Variants in C21orf91 observed in about 807,000 individuals in gnomAD.
The protein encoded by C21orf91 is chromosome 21 open reading frame 91.
C21orf91 carries 26 observed loss-of-function variants against 32.9 expected under a neutral mutation model. The observed-to-expected ratio is 0.79, with a 90% CI of 0.58 to 1.10. The LOEUF (loss-of-function observed/expected upper bound fraction) is 1.10, where lower values mean the gene tolerates loss of function less well. C21orf91 is among the 50% of genes least tolerant of loss of function. The pLI, the probability that C21orf91 is intolerant of heterozygous loss-of-function variation, is 0.00. For synonymous variants in C21orf91, 126 were observed against 120.4 expected, an observed-to-expected ratio of 1.05 and a Z score of -0.31; for missense variants, 310 against 341.3, an observed-to-expected ratio of 0.91 and a Z score of 0.72.
chr21:17,808,836 GTCTCCACCCAAA>G (rs2062615004), intron 2 of C21orf91: 1 of 152,218 alleles, frequency 6.6e-6, no homozygotes, highest in Non-Finnish European at 1.5e-5. Context: ...TTGGATTTGT[GTCTCCACCCAAA>G]TCTCAGGTTA....
intron 2 of C21orf91, among the ~76,000 whole-genome samples, chr21:17,803,411 T>G (rs2062575112): frequency 6.6e-6 from 1 of 152,106 alleles, no homozygotes; most frequent in African/African-American, 2.4e-5. Flanking sequence ...TCCCAGCTAC[T>G]TAGGTGGGAG....
At chr21:17,798,534 T>C (rs1409742692) in intron 2 of C21orf91, among the ~76,000 whole-genome samples, 1 of 152,222 alleles carries the variant, frequency 6.6e-6, no homozygotes, top group African/African-American at 2.4e-5. Flanking sequence ...TTTTTTCCAA[T>C]GAGTACAAAA....
At chr21:17,812,404 T>C (rs1184666602) in intron 2 of C21orf91, among the ~76,000 whole-genome samples, 1 of 152,018 alleles carries the variant, frequency 6.6e-6, no homozygotes, top group Non-Finnish European at 1.5e-5. Flanking sequence ...AAAGCAACAG[T>C]GTTGGGAGGT....
chr21:17,799,387 TCACCA>T (rs929030046), intron 2 of C21orf91, among the ~76,000 whole-genome samples: 1 of 152,156 alleles, frequency 6.6e-6, no homozygotes, highest in East Asian at 1.9e-4. Context: ...TTTATCTCTC[TCACCA>T]CACAACTCCA....
At position 17,792,414 on chromosome 21, in the gene C21orf91, A is replaced by G. The variant is rs1352278215; in HGVS notation, c.*1001T>C. On this transcript the variant is annotated 3_prime_UTR_variant, in exon 5 of 5. Coordinates refer to ENST00000284881, the MANE Select transcript of C21orf91 (RefSeq NM_001100420.2). Reference sequence around the variant, plus strand: ...CACTAAGTTCAATGATGGTGATAATACAATTTGGACAGTTTAAGTATTCTT... The same window carrying G: ...CACTAAGTTCAATGATGGTGATAATGCAATTTGGACAGTTTAAGTATTCTT... 6.6e-6 allele frequency: 1 copy of G among 152,172 alleles called. No individual in the cohort carries two copies. The highest frequency in any genetic ancestry group is 2.4e-5 in the African/African-American group (1 of 41,454). The allele number at this position is 152,172 out of a possible 1,614,324, so 9.4% of individuals were successfully genotyped here.
At chr21:17,795,537 C>T (rs1179622378) in intron 3 of C21orf91, among the ~76,000 whole-genome samples, 2 of 152,186 alleles carry the variant, frequency 1.3e-5, no homozygotes, top group South Asian at 2.1e-4. Context: ...TGCAGTGGTG[C>T]GATCAATGGC....
At chr21:17,814,674 TAAACA>T (rs370749659) in intron 2 of C21orf91, among the ~76,000 whole-genome samples, 21 of 152,160 alleles carry the variant, frequency 1.4e-4, no homozygotes, top group African/African-American at 5.1e-4. Context: ...TACACACTTT[TAAACA>T]ACCAGATCTC....
intron 2 of C21orf91, among the ~76,000 whole-genome samples, chr21:17,807,579 G>T (rs141681228): frequency 8.6e-4 from 131 of 152,320 alleles, no homozygotes; most frequent in Admixed American, 2.9e-3. Context: ...AGGATGATAA[G>T]GGAAACTTCG....
rs1460008001 is a variant in C21orf91, at chr21:17,791,091, T to G, written c.*2324A>C. ...TCTTGTTAGAACTCAACTCTGTACC[T>G]GATACTTATATTTGCATACACAGTA... On this transcript the variant is annotated 3_prime_UTR_variant, in exon 5 of 5. Transcript: ENST00000284881. 1 of 152,146 alleles carries G rather than the reference T, an allele frequency of 6.6e-6. No individual in the cohort carries two copies. The highest frequency in any genetic ancestry group is 2.4e-5 in the African/African-American group (1 of 41,470). 9.4% of individuals were successfully genotyped at this position (152,146 alleles called of 1,614,324 possible). A position where few individuals can be genotyped will look rare whatever the true frequency, so the allele number is the denominator to read the frequency against.
At chr21:17,811,234 C>G (rs1236115218) in intron 2 of C21orf91, 1 of 152,152 alleles carries the variant, frequency 6.6e-6, no homozygotes, top group Admixed American at 6.5e-5. Context: ...CCTTATTCAT[C>G]AAACTGGGAT....
intron 4 of C21orf91, among the ~76,000 whole-genome samples, chr21:17,794,356 T>C (rs996939709): frequency 6.6e-6 from 1 of 152,216 alleles, no homozygotes; most frequent in Non-Finnish European, 1.5e-5. Context: ...TTATACTTGA[T>C]GACGTTAAGG....
At chr21:17,796,141 T>G (rs1320231234) in intron 3 of C21orf91, among the ~76,000 whole-genome samples, 1 of 152,178 alleles carries the variant, frequency 6.6e-6, no homozygotes, top group Non-Finnish European at 1.5e-5. Flanking sequence ...TGAGTCACCC[T>G]TTCTAACTTT....
In C21orf91 at chr21:17,795,453, C is replaced by A. The variant is rs114605336; in HGVS notation, c.665-183G>T. Among the ~76,000 whole-genome samples, 2,977 of 152,272 alleles carry A rather than the reference C, an allele frequency of 0.02. 88 individuals carry two copies. Among genetic ancestry groups the A allele is most frequent in the African/African-American group, 0.068 (2,807 of 41,520 alleles). ...GGAGTAGAAGTTTTCAAACCCTGAC[C>A]ACAACCCATGGTAAGAAAATTTTAT... On this transcript the variant is annotated intron_variant, in intron 3 of 4. Coordinates refer to ENST00000284881, the MANE Select transcript of C21orf91 (RefSeq NM_001100420.2).
At chr21:17,807,568 T>C (rs73315646) in intron 2 of C21orf91, among the ~76,000 whole-genome samples, 14,721 of 152,202 alleles carry the variant, frequency 0.097, 906 homozygotes, top group African/African-American at 0.17. Context: ...CAGAAGAAGA[T>C]AGGATGATAA....
rs767661736 is a variant in C21orf91 at position 17,793,420 on chromosome 21, T to C, written c.889A>G (p.Asn297Asp). ...TGMKSHLPIN[N>D] is the part of the protein sequence containing the mutation. ...ACGAAGTAAGTCTGTTTAGGTCAGT[T>C]GTTTATGGGTAGGTGCGACTTCATT... Residue 297 changes from asparagine (N) to aspartate (D), a missense_variant, in exon 5 of 5, where the codon AAC becomes GAC. Transcript: ENST00000284881. 17 of 1,603,618 alleles carry C rather than the reference T, an allele frequency of 1.1e-5. No individual in the cohort carries two copies. The South Asian group carries it at 1.8e-4, about 17-fold the overall frequency.
intron 1 of C21orf91, among the ~76,000 whole-genome samples, chr21:17,818,530 G>A (rs1218304866): frequency 6.6e-6 from 1 of 152,200 alleles, no homozygotes; most frequent in Non-Finnish European, 1.5e-5. Context: ...TTAAAGCCAG[G>A]CCATAGGTGA....
At chr21:17,795,872 C>T (rs1480684743) in intron 3 of C21orf91, among the ~76,000 whole-genome samples, 2 of 152,132 alleles carry the variant, frequency 1.3e-5, no homozygotes, top group Non-Finnish European at 2.9e-5. Context: ...CTGGTATCTC[C>T]TATTCGGTTT....
intron 2 of C21orf91, chr21:17,811,584 T>C (rs1315556165): frequency 1.3e-5 from 2 of 152,210 alleles, no homozygotes; most frequent in Non-Finnish European, 2.9e-5. Context: ...CTTTATCAGT[T>C]TTCCAGTAAC....
chr21:17,797,455 T>G (rs1433250882), intron 2 of C21orf91, among the ~76,000 whole-genome samples: 1 of 152,014 alleles, frequency 6.6e-6, no homozygotes, highest in African/African-American at 2.4e-5. Flanking sequence ...TAGTGCTTTC[T>G]TCATGAAACC....
Sources: gnomAD v4.1 joint callset for allele counts (sites outside exome capture counted in the v4.1 genomes callset) on GRCh38, gnomAD v4.1.1 for gene constraint, MANE v1.5 for transcripts, NCBI Gene and HGNC (gene_info 2026-07-23, HGNC 2026-07-21) for gene names.